The following DLGAP4 variants were observed in gnomAD, a reference collection of about 807,000 sequenced individuals.
DLGAP4 encodes the protein DLG associated protein 4.
DLGAP4 carries 18 observed loss-of-function variants against 86.9 expected under a neutral mutation model. The observed-to-expected ratio is 0.21, with a 90% CI of 0.14 to 0.31. The LOEUF (loss-of-function observed/expected upper bound fraction) is 0.31. Among genes scored for constraint, DLGAP4 ranks in the 10% least tolerant of loss-of-function variants. The probability of loss-of-function intolerance (pLI) is 1.00; values close to 1 mark genes in which losing one functional copy is unlikely to be tolerated. For synonymous variants in DLGAP4, 548 were observed against 574.3 expected, an observed-to-expected ratio of 0.95 and a Z score of 0.65; for missense variants, 1,085 against 1,362.6, an observed-to-expected ratio of 0.80 and a Z score of 3.21.
chr20:36,436,429 C>T, intron 4 of DLGAP4, 79 bp downstream of exon 4: 1 of 1,454,832 alleles, frequency 6.9e-7, no homozygotes. Flanking sequence ...CTGGGAGGAG[C>T]CCTGCATTAA....
At chr20:36,391,515 A>AC (rs58097671) in intron 2 of DLGAP4, among the ~76,000 whole-genome samples, 7,966 of 151,816 alleles carry the variant, frequency 0.052, 670 homozygotes, top group African/African-American at 0.18. Context: ...TTGAAGTCCC[A>AC]CCCCCTGCAT....
At chr20:36,312,323 C>T (rs910496690) in intron 1 of DLGAP4, among the ~76,000 whole-genome samples, 1,761 of 152,170 alleles carry the variant, frequency 0.012, 13 homozygotes, top group Middle Eastern at 0.037. Context: ...AAAGGTAGAG[C>T]CCTCAATATG....
chr20:36,456,316 G>C (rs1029005114), intron 7 of DLGAP4, among the ~76,000 whole-genome samples: 3 of 152,212 alleles, frequency 2.0e-5, no homozygotes, highest in African/African-American at 7.2e-5. Flanking sequence ...ATTGCCCCCT[G>C]TGCGTGGGAG....
chr20:36,311,380 C>G (rs904436494), intron 1 of DLGAP4, among the ~76,000 whole-genome samples: 3 of 152,110 alleles, frequency 2.0e-5, no homozygotes, highest in Non-Finnish European at 4.4e-5. Flanking sequence ...GGTTTCGCAA[C>G]GCCGCCTCCT....
chr20:36,474,551 C>T (rs1439385096), intron 7 of DLGAP4, among the ~76,000 whole-genome samples: 2 of 152,222 alleles, frequency 1.3e-5, no homozygotes, highest in South Asian at 4.1e-4. Context: ...ACTTTCTTGC[C>T]TTCCCCCTGG....
At chr20:36,470,138 C>T (rs1183172902) in intron 7 of DLGAP4, among the ~76,000 whole-genome samples, 4 of 152,164 alleles carry the variant, frequency 2.6e-5, no homozygotes, top group Non-Finnish European at 5.9e-5. Flanking sequence ...GAGAGACCTT[C>T]CTTCCCCTTC....
Position 36,439,791 on chromosome 20 carries a change from C to T in DLGAP4, c.1279C>T (p.Pro427Ser). ...CCTGGATTCAGTGGACATGCTGCTG[C>T]CCTCCAAGTGTCCGAGCTGGGAAGA... ...DRLDSVDMLL[P>S]SKCPSWEEDY... The change falls in exon 5 of 13, where the codon CCC becomes TCC. Residue 427 changes from proline (P) to serine (S), a missense_variant. Physicochemically the swap from Pro to Ser is moderately conservative, Grantham distance 74. This residue lies in a region of DLGAP4 where 1,082 missense variants were observed against 1,344.1 expected (regional missense o/e 0.81). Coordinates refer to ENST00000339266, the MANE Select transcript of DLGAP4 (RefSeq NM_001365621.2). 1 of 1,613,892 alleles carries T rather than the reference C, an allele frequency of 6.2e-7. No homozygotes were observed. Among genetic ancestry groups the T allele is most frequent in the Non-Finnish European group, 8.5e-7 (1 of 1,180,010 alleles).
intron 7 of DLGAP4, among the ~76,000 whole-genome samples, chr20:36,449,941 C>A (rs1426433506): frequency 6.6e-6 from 1 of 152,246 alleles, no homozygotes; most frequent in African/African-American, 2.4e-5. Flanking sequence ...CATCCTCCTC[C>A]TGGGACCAAA....
In DLGAP4 at chr20:36,496,752, C is replaced by T; in HGVS notation, c.1696C>T (p.Pro566Ser). Residue 566 changes from proline (P) to serine (S), a missense_variant, in exon 8 of 13, where the codon CCA becomes TCA. Pro to Ser is a moderately conservative substitution (Grantham distance 74). This residue lies in a region of DLGAP4 where 1,082 missense variants were observed against 1,344.1 expected (regional missense o/e 0.81). Transcript: ENST00000339266. ...TAAGAAGACCCCGCCACCGGTCCCTCCACGCACCACTTCAAAGCCGTTCAT... is the reference window on the plus strand; with the variant it reads ...TAAGAAGACCCCGCCACCGGTCCCTTCACGCACCACTTCAAAGCCGTTCAT... ...AYKKTPPPVPPRTTSKPFISV... is the reference protein window; with the variant it reads ...AYKKTPPPVPSRTTSKPFISV... 7 of 1,613,154 alleles carry T rather than the reference C, an allele frequency of 4.3e-6. No homozygotes were observed. Among genetic ancestry groups the T allele is most frequent in the Non-Finnish European group, 5.9e-6 (7 of 1,179,164 alleles).
intron 8 of DLGAP4, chr20:36,498,970 C>G: frequency 2.3e-6 from 1 of 442,170 alleles, no homozygotes; most frequent in Non-Finnish European, 4.1e-6. Flanking sequence ...CTAAAGGTAA[C>G]CTCAGCCAAG....
intron 1 of DLGAP4, among the ~76,000 whole-genome samples, chr20:36,329,968 TGCAGTGA>T (rs2065251042): frequency 6.7e-6 from 1 of 150,176 alleles, no homozygotes; most frequent in Admixed American, 6.7e-5. Flanking sequence ...AGGTGGAGGT[TGCAGTGA>T]GCAAAGATCT....
rs144219994 is a variant in DLGAP4, at chr20:36,500,360, A to G, written c.2261A>G (p.Lys754Arg). 7.8e-5 allele frequency: 125 copies of G among 1,612,196 alleles called. No individual in the cohort carries two copies. Among genetic ancestry groups the G allele is most frequent in the Non-Finnish European group, 1.0e-4 (122 of 1,179,146 alleles). Reference sequence around the variant, plus strand: ...GATGCCGGTCCCCGGCAGGCCCCCAAGATTGCCCAGATCAAGCGCAACCTC... The same window carrying G: ...GATGCCGGTCCCCGGCAGGCCCCCAGGATTGCCCAGATCAAGCGCAACCTC... ...SIDAGPRQAPKIAQIKRNLSY... is the reference protein window; with the variant it reads ...SIDAGPRQAPRIAQIKRNLSY... The change falls in exon 10 of 13, where the codon AAG becomes AGG. Residue 754 changes from lysine to arginine, a missense_variant. By Grantham distance (26) the Lys-to-Arg change is conservative. This residue lies in a region of DLGAP4 where 1,082 missense variants were observed against 1,344.1 expected (regional missense o/e 0.81). Transcript: ENST00000339266. The surrounding 1 kb of genome is among the most constrained non-coding windows in gnomAD (Gnocchi z 4.6).
At chr20:36,477,577 G>A (rs2035003446) in intron 7 of DLGAP4, among the ~76,000 whole-genome samples, 1 of 152,172 alleles carries the variant, frequency 6.6e-6, no homozygotes, top group Non-Finnish European at 1.5e-5. Flanking sequence ...ATGGGATGAG[G>A]AAGGCTGTGG....
chr20:36,429,462 TG>T (rs1421781286), intron 2 of DLGAP4, among the ~76,000 whole-genome samples: 1 of 143,664 alleles, frequency 7.0e-6, no homozygotes, highest in Non-Finnish European at 1.5e-5. Context: ...TGGAGTGCAG[TG>T]GCACGATCTC....
At chr20:36,525,697 A>G in intron 11 of DLGAP4, 154 bp from the exon 12 acceptor site, 1 of 987,670 alleles carries the variant, frequency 1.0e-6, no homozygotes, top group Non-Finnish European at 1.5e-6. Flanking sequence ...GAACTGGCTT[A>G]GATTCATTCA....
chr20:36,345,271 C>A (rs557022357), intron 1 of DLGAP4, among the ~76,000 whole-genome samples: 1 of 152,184 alleles, frequency 6.6e-6, no homozygotes, highest in Non-Finnish European at 1.5e-5. Context: ...CTGGAGGAAT[C>A]GCTTTTTTTC....
rs1349606544 is a variant in DLGAP4 at position 36,394,372 on chromosome 20, C to T, written c.-73+27097C>T. Among the ~76,000 whole-genome samples, 3 of 152,166 alleles carry T rather than the reference C, an allele frequency of 2.0e-5. 1 individual carries two copies. The highest frequency in any genetic ancestry group is 4.1e-4 in the South Asian group (2 of 4,830). On this transcript the variant is annotated intron_variant, in intron 2 of 12. Coordinates refer to ENST00000339266, the MANE Select transcript of DLGAP4 (RefSeq NM_001365621.2). Reference sequence around the variant, plus strand: ...GCCACTGCCCTGCGACTCTGCCCTGCGACTCTGCCCTGTGGGGGTGTGAGC... The same window carrying T: ...GCCACTGCCCTGCGACTCTGCCCTGTGACTCTGCCCTGTGGGGGTGTGAGC...
At chr20:36,356,424 G>T (rs1200657615) in intron 1 of DLGAP4, among the ~76,000 whole-genome samples, 1 of 152,160 alleles carries the variant, frequency 6.6e-6, no homozygotes, top group Non-Finnish European at 1.5e-5. Flanking sequence ...CAATTCTCCT[G>T]CCTCAGCCTC....
At chr20:36,392,974 G>C (rs1420841821) in intron 2 of DLGAP4, among the ~76,000 whole-genome samples, 1 of 152,120 alleles carries the variant, frequency 6.6e-6, no homozygotes, top group African/African-American at 2.4e-5. Context: ...GAGCATTCCT[G>C]GTAGAGGGAA....
Sources: allele counts gnomAD v4.1 joint callset (sites outside exome capture counted in the v4.1 genomes callset), GRCh38; gene constraint gnomAD v4.1.1; regional missense constraint gnomAD v4.1.1; non-coding constraint Gnocchi (gnomAD v3.1); transcripts MANE v1.5; gene names NCBI Gene and HGNC (gene_info 2026-07-23, HGNC 2026-07-21).